DPP6: variants seen among roughly 807,000 people sequenced by gnomAD.
DPP6 encodes the protein dipeptidyl peptidase like 6, also known as A-type potassium channel modulatory protein DPP6.
DPP6 carries 69 observed loss-of-function variants against 122.6 expected under a neutral mutation model. The observed-to-expected ratio is 0.56, with a 90% CI of 0.46 to 0.69. The LOEUF is 0.69. Among genes scored for constraint, DPP6 ranks in the 30% least tolerant of loss-of-function variants. The pLI is 0.00. For missense variants in DPP6, 928 were observed against 1,116.9 expected (o/e 0.83, Z 2.41); for synonymous variants, 418 against 433.1 (o/e 0.97, Z 0.43).
intron 1 of DPP6, among the ~76,000 whole-genome samples, chr7:153,982,942 C>A (rs1401679498): frequency 1.3e-5 from 2 of 152,168 alleles, no homozygotes; most frequent in African/African-American, 4.8e-5. Flanking sequence ...GGGCACCCAC[C>A]AGATGCCAGT....
At chr7:154,130,327 C>G (rs73165206) in intron 1 of DPP6, among the ~76,000 whole-genome samples, 1 of 151,746 alleles carries the variant, frequency 6.6e-6, no homozygotes, top group Non-Finnish European at 1.5e-5. Flanking sequence ...AAAACAGACC[C>G]GGCATCTAGT....
chr7:154,557,758 G>A (rs149529935), intron 4 of DPP6, among the ~76,000 whole-genome samples: 62 of 152,096 alleles, frequency 4.1e-4, no homozygotes, highest in African/African-American at 1.2e-3. Context: ...CTTTCTGCGT[G>A]AATGCTGTAC....
the DPP6 span, among the ~76,000 whole-genome samples, chr7:153,815,320 C>A: frequency 1.3e-5 from 2 of 152,042 alleles, no homozygotes; most frequent in Non-Finnish European, 2.9e-5. Flanking sequence ...CAGTAACAGA[C>A]AAACATATAA....
At chr7:154,717,671 T>C (rs1841567580) in intron 7 of DPP6, among the ~76,000 whole-genome samples, 1 of 152,202 alleles carries the variant, frequency 6.6e-6, no homozygotes, top group Non-Finnish European at 1.5e-5. Context: ...GTTGATTCCA[T>C]GTCTTGCCTG....
At chr7:154,178,764 C>T (rs1797933740) in intron 1 of DPP6, among the ~76,000 whole-genome samples, 1 of 152,164 alleles carries the variant, frequency 6.6e-6, no homozygotes, top group Non-Finnish European at 1.5e-5. Context: ...TTGCAGTTTA[C>T]ATGGAAGGAT....
At chr7:154,239,434 G>A (rs535607142) in intron 1 of DPP6, among the ~76,000 whole-genome samples, 2 of 152,096 alleles carry the variant, frequency 1.3e-5, no homozygotes, top group African/African-American at 2.4e-5. Flanking sequence ...TACTCAACAT[G>A]AAGATGAGGA....
intron 7 of DPP6, among the ~76,000 whole-genome samples, chr7:154,686,087 C>A (rs1029968889): frequency 4.1e-5 from 4 of 97,032 alleles, no homozygotes; most frequent in African/African-American, 1.6e-4. Flanking sequence ...GTTCCCACCA[C>A]CATGCTAGGC....
chr7:154,028,002 G>A (rs955368190), intron 1 of DPP6, among the ~76,000 whole-genome samples: 4 of 150,942 alleles, frequency 2.7e-5, no homozygotes, highest in Non-Finnish European at 5.9e-5. Context: ...TTTAATTTTA[G>A]AAAAGAGGAC....
chr7:153,883,847 C>T (rs1336981516), upstream of DPP6, among the ~76,000 whole-genome samples: 1 of 152,190 alleles, frequency 6.6e-6, no homozygotes, highest in African/African-American at 2.4e-5. Flanking sequence ...GCCTGCTTTT[C>T]AGCCCTATCC....
intron 16 of DPP6, among the ~76,000 whole-genome samples, chr7:154,811,958 G>T (rs1243122846): frequency 6.6e-6 from 1 of 152,148 alleles, no homozygotes; most frequent in African/African-American, 2.4e-5. Context: ...TCCTTTTTTA[G>T]GTTGAGGATA....
chr7:154,114,917 A>C (rs2150592570), intron 1 of DPP6, among the ~76,000 whole-genome samples: 1 of 152,264 alleles, frequency 6.6e-6, no homozygotes, highest in Non-Finnish European at 1.5e-5. Context: ...CTTGCCTTCA[A>C]ATACAGGCAT....
At chr7:154,426,045 C>T (rs921750145) in intron 1 of DPP6, among the ~76,000 whole-genome samples, 12 of 152,086 alleles carry the variant, frequency 7.9e-5, no homozygotes, top group Admixed American at 3.3e-4. Context: ...CTTGGAGGCT[C>T]TTTTAGAATT....
At chr7:153,837,413 T>C in the DPP6 span, among the ~76,000 whole-genome samples, 2 of 152,308 alleles carry the variant, frequency 1.3e-5, no homozygotes, top group South Asian at 4.1e-4. Flanking sequence ...GTTAAAGAAA[T>C]AGAAGCCCAG....
chr7:154,711,943 C>CACACACACACACACACACA (rs1841210307), intron 7 of DPP6, among the ~76,000 whole-genome samples: 1 of 48,674 alleles, frequency 2.1e-5, no homozygotes, highest in African/African-American at 3.8e-5. Context: ...ACTTAATACA[C>CACACACACACACACACACA]ACACACACAC....
chr7:154,770,404 C>G (rs184484597), intron 9 of DPP6, among the ~76,000 whole-genome samples: 11 of 152,228 alleles, frequency 7.2e-5, no homozygotes, highest in African/African-American at 1.9e-4. Context: ...CCCACCAGGT[C>G]CCTCCCTCAT....
chr7:153,897,118 A>G (rs886787648), intron 1 of DPP6, among the ~76,000 whole-genome samples: 1 of 152,204 alleles, frequency 6.6e-6, no homozygotes, highest in African/African-American at 2.4e-5. Flanking sequence ...AGAACAACCC[A>G]TTGTGTTGGA....
chr7:154,737,213 G>A (rs865829217), intron 8 of DPP6, among the ~76,000 whole-genome samples: 9 of 152,200 alleles, frequency 5.9e-5, no homozygotes, highest in East Asian at 3.9e-4. Flanking sequence ...CTTCGAGAGC[G>A]CTATGAAGAA....
At chr7:154,336,624 G>A (rs7802126) in intron 1 of DPP6, among the ~76,000 whole-genome samples, 3,828 of 152,284 alleles carry the variant, frequency 0.025, 158 homozygotes, top group African/African-American at 0.087. Flanking sequence ...ATTCCAAAAG[G>A]CATGTGATTC....
intron 3 of DPP6, among the ~76,000 whole-genome samples, chr7:154,517,030 ATG>A (rs1826573402): frequency 6.6e-6 from 1 of 152,190 alleles, no homozygotes; most frequent in Admixed American, 6.5e-5. Context: ...GCACACCAAA[ATG>A]TAGCATGACA....
Sources: gnomAD v4.1 joint callset for allele counts (sites outside exome capture counted in the v4.1 genomes callset) on GRCh38, gnomAD v4.1.1 for gene constraint, MANE v1.5 for transcripts, NCBI Gene and HGNC (gene_info 2026-07-23, HGNC 2026-07-21) for gene names.